Variants in RAB44 observed in about 807,000 individuals in gnomAD.
RAB44 encodes the protein ras-related protein Rab-44.
RAB44 carries 67 observed loss-of-function variants against 93.3 expected under a neutral mutation model. The observed-to-expected ratio is 0.72, with a 90% CI of 0.59 to 0.88. RAB44 has a LOEUF of 0.88. RAB44 is among the 40% of genes least tolerant of loss of function. The probability of loss-of-function intolerance (pLI) is 0.00; values close to 1 mark genes in which losing one functional copy is unlikely to be tolerated. For synonymous variants in RAB44, 427 were observed against 520.3 expected, an observed-to-expected ratio of 0.82 and a Z score of 2.44; for missense variants, 1,064 against 1,261.7, an observed-to-expected ratio of 0.84 and a Z score of 2.37.
chr6:36,700,068 A>G (rs1226294694), intron 1 of RAB44, among the ~76,000 whole-genome samples: 1 of 152,194 alleles, frequency 6.6e-6, no homozygotes, highest in African/African-American at 2.4e-5. Flanking sequence ...AAAACGAGCA[A>G]AAGGCTCTCT....
rs1762591048 is a variant in RAB44 at position 36,704,427 on chromosome 6, C to A, written c.192C>A (p.Thr64=). 1 of 1,535,482 alleles carries A rather than the reference C, an allele frequency of 6.5e-7. No homozygotes were observed. The highest frequency in any genetic ancestry group is 1.4e-5 in the African/African-American group (1 of 73,010). The change falls in exon 2 of 14, where the codon ACC becomes ACA. Residue 64 remains threonine (T), a synonymous_variant. Transcript: ENST00000612677. ...GTGCCAAGGAGAGGGGCTTTGTCAC[C>A]CGCGAGGACCTGGCGGTGAGCCCAA... ...DCGAKERGFV[T]REDLAVAKFS...
intron 2 of RAB44, among the ~76,000 whole-genome samples, chr6:36,706,544 A>C (rs1281663903): frequency 6.6e-6 from 1 of 152,176 alleles, no homozygotes; most frequent in East Asian, 1.9e-4. Flanking sequence ...CTCCATGAGC[A>C]TTCCTTATAG....
In RAB44 at chr6:36,722,266, C is replaced by G. The variant is rs921828545; in HGVS notation, c.2132C>G (p.Pro711Arg). ...CTAGAAACTGCGCATTCGGAACTCC[C>G]CCAGCAAGACTCTCTGCTTGTTTCT... The part of the protein sequence containing the change: ...HGLETAHSEL[P>R]QQDSLLVSLP... The change falls in exon 9 of 14, where the codon CCC becomes CGC. Residue 711 changes from proline (P) to arginine (R), a missense_variant. Transcript: ENST00000612677. The G allele has an allele frequency of 1.6e-6, 2 of 1,284,400 alleles. No individual in the cohort carries two copies. Among genetic ancestry groups the G allele is most frequent in the Admixed American group, 7.4e-5 (2 of 26,884 alleles). The allele number at this position is 1,284,400 out of a possible 1,614,324, so 79.6% of individuals were successfully genotyped here.
chr6:36,725,404 A>G (rs1763212792), intron 9 of RAB44, among the ~76,000 whole-genome samples: 1 of 152,230 alleles, frequency 6.6e-6, no homozygotes, highest in African/African-American at 2.4e-5. Flanking sequence ...CACTTTGCAG[A>G]CAAGGAAAGA....
rs1763083811 is a variant in RAB44, at chr6:36,721,599, G to C, written c.1465G>C (p.Val489Leu). 1 of 1,234,484 alleles carries C rather than the reference G, an allele frequency of 8.1e-7. No homozygotes were observed. Among genetic ancestry groups the C allele is most frequent in the East Asian group, 3.2e-5 (1 of 31,706 alleles). The allele number at this position is 1,234,484 out of a possible 1,614,324, so 76.5% of individuals were successfully genotyped here. A position where few individuals can be genotyped will look rare whatever the true frequency, so the allele number is the denominator to read the frequency against. The change falls in exon 9 of 14, where the codon GTG becomes CTG. Residue 489 changes from valine to leucine, a missense_variant. Coordinates refer to ENST00000612677, the MANE Select transcript of RAB44 (RefSeq NM_001257357.2). ...CCTCTGGGGTCTCTCAGGAAGCCTG[G>C]TGGCACCTGCATTCAAAGTGCTCAT... ...RLLWGLSGSL[V>L]APAFKVLIPL... is the part of the protein sequence containing the mutation.
In RAB44 at chr6:36,717,669, T is replaced by TC. The variant is rs1227951666; in HGVS notation, c.641+253dup. ...TGACGCCCAACTCCAGGGGGCCTGC[T>TC]CCCGTAGACTGTAATGCATGTGGTG... On this transcript the variant is annotated intron_variant, in intron 5 of 13. Coordinates refer to ENST00000612677, the MANE Select transcript of RAB44 (RefSeq NM_001257357.2). The surrounding 1 kb of genome is among the most constrained non-coding windows in gnomAD (Gnocchi z 4.1). 6.6e-6 allele frequency among the ~76,000 whole-genome samples: 1 copy of TC among 151,180 alleles called. No individual in the cohort carries two copies. Among genetic ancestry groups the TC allele is most frequent in the East Asian group, 1.9e-4 (1 of 5,146 alleles).
intron 2 of RAB44, among the ~76,000 whole-genome samples, chr6:36,710,022 A>T (rs900235519): frequency 2.0e-5 from 3 of 152,208 alleles, no homozygotes. Context: ...CACAACTTTT[A>T]AAAAAAGTGG....
At chr6:36,705,247 T>C (rs1327143936) in intron 2 of RAB44, among the ~76,000 whole-genome samples, 1 of 152,110 alleles carries the variant, frequency 6.6e-6, no homozygotes, top group Non-Finnish European at 1.5e-5. Context: ...ATGGCTAATA[T>C]CTAACAGGCC....
At position 36,728,866 on chromosome 6, in the gene RAB44, T is replaced by G. The variant is rs565513998; in HGVS notation, c.2898+65T>G. On this transcript the variant is annotated intron_variant, in intron 12 of 13. Transcript: ENST00000612677. Reference sequence around the variant, plus strand: ...GGGCAGACACCTCCCTGGCAGGTGGTGGATAGGCATCACCTGACCTGGGCA... The same window carrying G: ...GGGCAGACACCTCCCTGGCAGGTGGGGGATAGGCATCACCTGACCTGGGCA... The G allele has an allele frequency of 1.3e-4, 168 of 1,323,256 alleles. 1 individual carries two copies. In the South Asian group the frequency reaches 1.9e-3, roughly 15 times the overall value. 82.0% of individuals were successfully genotyped at this position (1,323,256 alleles called of 1,614,324 possible). A position where few individuals can be genotyped will look rare whatever the true frequency, so the allele number is the denominator to read the frequency against.
rs900466715 is a variant in RAB44 at position 36,721,724 on chromosome 6, G to C, written c.1590G>C (p.Lys530Asn). The C allele has an allele frequency of 8.1e-6, 10 of 1,234,390 alleles. No individual in the cohort carries two copies. In the South Asian group the frequency reaches 3.3e-4, roughly 40 times the overall value. The allele number at this position is 1,234,390 out of a possible 1,614,324, so 76.5% of individuals were successfully genotyped here. The change falls in exon 9 of 14, where the codon AAG (lysine) becomes AAC (asparagine). Residue 530 changes from lysine to asparagine, a missense_variant. Coordinates refer to ENST00000612677, the MANE Select transcript of RAB44 (RefSeq NM_001257357.2). The stretch of plus-strand genomic sequence containing the variant: ...TCCAGGCCTCAGACCCAGATGACAA[G>C]GGCCCTGGGTCTTGGGCTCCTCCCA... ...KQIQASDPDD[K>N]GPGSWAPPSG...
chr6:36,732,016 CAAG>C lies in RAB44; in HGVS notation c.2996_2998del (p.Glu999del), dbSNP rs1025670615. 5.8e-5 allele frequency: 72 copies of C among 1,234,182 alleles called. No homozygotes were observed. The highest frequency in any genetic ancestry group is 7.0e-5 in the Non-Finnish European group (69 of 988,222). The allele number at this position is 1,234,182 out of a possible 1,614,324, so 76.5% of individuals were successfully genotyped here. ...ACTGTCACATAGGTCACTCAGGATG[CAAG>C]AAGAAGGCCTGAAGGACTCGCTGGT... On this transcript the variant is annotated inframe_deletion, in exon 14 of 14. Transcript: ENST00000612677.
chr6:36,711,438 T>C (rs1762784111), intron 2 of RAB44, among the ~76,000 whole-genome samples: 1 of 152,216 alleles, frequency 6.6e-6, no homozygotes, highest in South Asian at 2.1e-4. Flanking sequence ...GACAGATAGC[T>C]ATTATATGTG....
intron 2 of RAB44, among the ~76,000 whole-genome samples, chr6:36,713,339 T>C (rs9470380): frequency 0.22 from 32,829 of 151,964 alleles, 6,486 homozygotes; most frequent in African/African-American, 0.53. Flanking sequence ...GGGACTACAG[T>C]CGCTTGCCAC....
chr6:36,706,003 G>A (rs190637408), intron 2 of RAB44, among the ~76,000 whole-genome samples: 3 of 151,974 alleles, frequency 2.0e-5, no homozygotes, highest in African/African-American at 4.8e-5. Context: ...GGGCTGAAGC[G>A]ATTCTCTCAC....
intron 9 of RAB44, among the ~76,000 whole-genome samples, chr6:36,725,141 C>T: frequency 6.6e-6 from 1 of 152,164 alleles, no homozygotes; most frequent in Admixed American, 6.5e-5. Flanking sequence ...CTTTTCAGTT[C>T]AGAATTGCAT....
rs528123153 is a variant in RAB44, at chr6:36,710,526, T to G, written c.208-3302T>G. 2.6e-5 allele frequency among the ~76,000 whole-genome samples: 4 copies of G among 151,610 alleles called. No homozygotes were observed. The East Asian group carries it at 7.7e-4, about 29-fold the overall frequency. ...TATGGGCATACAAATATCTGGGTCT[T>G]TGCCGCTTTCTTTTGTACAACTTTT... On this transcript the variant is annotated intron_variant, in intron 2 of 13. Transcript: ENST00000612677.
rs151331424 is a variant in RAB44, at chr6:36,724,814, C to T, written c.2600-1048C>T. 5.6e-3 allele frequency among the ~76,000 whole-genome samples: 858 copies of T among 152,278 alleles called. 2 individuals carry two copies. The highest frequency in any genetic ancestry group is 8.7e-3 in the Non-Finnish European group (591 of 68,020). On this transcript the variant is annotated intron_variant, in intron 9 of 13. Transcript: ENST00000612677. The stretch of plus-strand genomic sequence containing the variant: ...TGCCCCCCGGTGGCTATCGTCTTTT[C>T]TGGTTTAAATACCACAGGAAATGAT...
rs774866419 is a variant in RAB44, at chr6:36,722,378, G to T, written c.2244G>T (p.Arg748Ser). 5.1e-6 allele frequency: 7 copies of T among 1,364,400 alleles called. No individual in the cohort carries two copies. The Admixed American group carries it at 9.6e-5, about 19-fold the overall frequency. 84.5% of individuals were successfully genotyped at this position (1,364,400 alleles called of 1,614,324 possible). ...CACCTCCAAGGGGCTCTCCTCCCAGGGGGGCTCAGCCTGGGGCTGGAGCAG... is the reference window on the plus strand; with the variant it reads ...CACCTCCAAGGGGCTCTCCTCCCAGTGGGGCTCAGCCTGGGGCTGGAGCAG... ...KSAPPRGSPP[R>S]GAQPGAGAGP... Residue 748 changes from arginine (R) to serine (S), a missense_variant, in exon 9 of 14, where the codon AGG (arginine) becomes AGT (serine). Physicochemically the swap from Arg to Ser is moderately radical, Grantham distance 110. Coordinates refer to ENST00000612677, the MANE Select transcript of RAB44 (RefSeq NM_001257357.2).
chr6:36,715,719 G>A (rs1291321872), intron 4 of RAB44, 66 bp downstream of exon 4: 2 of 1,485,500 alleles, frequency 1.3e-6, no homozygotes. Context: ...GGGCTTTCCT[G>A]GACACAGCAG....
Sources: gnomAD v4.1 joint callset for allele counts (sites outside exome capture counted in the v4.1 genomes callset) on GRCh38, gnomAD v4.1.1 for gene constraint, Gnocchi (gnomAD v3.1) non-coding constraint, MANE v1.5 for transcripts, NCBI Gene and HGNC (gene_info 2026-07-23, HGNC 2026-07-21) for gene names.